The following TTC23L variants were observed in gnomAD, a reference collection of about 807,000 sequenced individuals.
The protein encoded by TTC23L is tetratricopeptide repeat domain 23 like.
Under a neutral mutation model 48.1 loss-of-function variants are expected in TTC23L, and 42 were observed. That is an observed-to-expected ratio of 0.87 (90% confidence interval 0.68 to 1.13). The LOEUF is 1.13. TTC23L is among the 50% of genes most tolerant of loss of function. The probability of loss-of-function intolerance (pLI) is 0.00; values close to 1 mark genes in which losing one functional copy is unlikely to be tolerated. For synonymous variants in TTC23L, 159 were observed against 157.2 expected, an observed-to-expected ratio of 1.01 and a Z score of -0.09; for missense variants, 391 against 421.0, an observed-to-expected ratio of 0.93 and a Z score of 0.62.
chr5:34,845,736 C>G (rs1183237417), intron 3 of TTC23L, 63 bp downstream of exon 3: 2 of 1,472,266 alleles, frequency 1.4e-6, no homozygotes, highest in South Asian at 2.7e-5. Context: ...TTTAGAGAAG[C>G]TTTGCCTTCG....
chr5:34,914,425 T>C, the TTC23L span: 3 of 439,734 alleles, frequency 6.8e-6, no homozygotes, highest in Non-Finnish European at 8.2e-6. Flanking sequence ...GCCTAGCCAA[T>C]AGCCTAGTTT....
At chr5:34,846,667 A>C (rs1001962076) in intron 3 of TTC23L, among the ~76,000 whole-genome samples, 2 of 66,344 alleles carry the variant, frequency 3.0e-5, no homozygotes, top group Non-Finnish European at 6.3e-5. Flanking sequence ...ATATGTGTGT[A>C]TGTGTGTGTG....
chr5:34,902,273 G>A (rs1972649), downstream of TTC23L: 10,277 of 181,668 alleles, frequency 0.057, 415 homozygotes, highest in South Asian at 0.11. Flanking sequence ...AAAATTAGCT[G>A]GGCATGGTGG....
intron 2 of TTC23L, among the ~76,000 whole-genome samples, chr5:34,844,425 A>G (rs1758941151): frequency 7.0e-6 from 1 of 142,498 alleles, no homozygotes; most frequent in Non-Finnish European, 1.5e-5. Context: ...GCACAGACCC[A>G]AAGAGTGAGC....
chr5:34,922,329 G>T, the TTC23L span: 1 of 1,254,512 alleles, frequency 8.0e-7, no homozygotes. Context: ...TCATTTAAGT[G>T]GATTTGTTCT....
Position 34,863,113 on chromosome 5 carries a change from T to G in TTC23L, c.536+59T>G. 6.2e-7 allele frequency: 1 copy of G among 1,603,708 alleles called. No individual in the cohort carries two copies. The highest frequency in any genetic ancestry group is 8.5e-7 in the Non-Finnish European group (1 of 1,173,896). On this transcript the variant is annotated intron_variant, in intron 5 of 10. Transcript: ENST00000505624. This position sits in a 1 kb window ranked among gnomAD's most constrained non-coding sequence, Gnocchi z 4.1. ...GGGGCCACAGGCCACACATGCCAGATGGGTCATCTCATACAGGAGGGTGGG... is the reference window on the plus strand; with the variant it reads ...GGGGCCACAGGCCACACATGCCAGAGGGGTCATCTCATACAGGAGGGTGGG...
chr5:34,917,279 A>G, the TTC23L span, among the ~76,000 whole-genome samples: 1 of 152,232 alleles, frequency 6.6e-6, no homozygotes, highest in Non-Finnish European at 1.5e-5. Flanking sequence ...TTCAGTGTCA[A>G]AGCTATGTCA....
chr5:34,885,572 C>T (rs1236635597), intron 9 of TTC23L, among the ~76,000 whole-genome samples: 1 of 151,858 alleles, frequency 6.6e-6, no homozygotes, highest in Non-Finnish European at 1.5e-5. Flanking sequence ...TAGTGGGACC[C>T]CATTTCTACA....
chr5:34,844,879 C>T (rs995482062), intron 2 of TTC23L, among the ~76,000 whole-genome samples: 13 of 152,136 alleles, frequency 8.5e-5, no homozygotes, highest in African/African-American at 7.2e-5. Context: ...TGGTGGGACC[C>T]GTGTCCTCTT....
chr5:34,879,824 C>T (rs1308035937), intron 8 of TTC23L, among the ~76,000 whole-genome samples: 1 of 152,018 alleles, frequency 6.6e-6, no homozygotes, highest in African/African-American at 2.4e-5. Flanking sequence ...GGTGAAACCC[C>T]ATCTCTACTA....
chr5:34,884,493 G>A (rs751456221), intron 9 of TTC23L, among the ~76,000 whole-genome samples: 1 of 151,608 alleles, frequency 6.6e-6, no homozygotes, highest in Non-Finnish European at 1.5e-5. Context: ...AGAATGACAT[G>A]ATGTTATGTA....
At chr5:34,881,223 G>A (rs920519465) in intron 9 of TTC23L, among the ~76,000 whole-genome samples, 2 of 151,994 alleles carry the variant, frequency 1.3e-5, no homozygotes, top group East Asian at 3.8e-4. Context: ...TTCCATCTTC[G>A]GATCTAGCTA....
the TTC23L span, among the ~76,000 whole-genome samples, chr5:34,913,107 T>A: frequency 6.6e-6 from 1 of 152,188 alleles, no homozygotes; most frequent in Admixed American, 6.5e-5. Flanking sequence ...CTGGCTTTTG[T>A]TTTTCTCTGC....
At chr5:34,844,906 G>A (rs905912262) in intron 2 of TTC23L, among the ~76,000 whole-genome samples, 4 of 152,132 alleles carry the variant, frequency 2.6e-5, no homozygotes, top group East Asian at 3.9e-4. Flanking sequence ...GCCACCACAT[G>A]TTGAAGCTTT....
intron 9 of TTC23L, among the ~76,000 whole-genome samples, chr5:34,891,363 A>G (rs1180592572): frequency 4.6e-5 from 7 of 152,242 alleles, no homozygotes; most frequent in Non-Finnish European, 8.8e-5. Flanking sequence ...GCTAACATCC[A>G]GATCATAGTA....
the TTC23L span, chr5:34,909,312 G>T: frequency 6.2e-7 from 1 of 1,610,436 alleles, no homozygotes; most frequent in East Asian, 2.2e-5. Context: ...AGAATCTTTG[G>T]GATAGTCAAG....
chr5:34,917,050 A>G, the TTC23L span, among the ~76,000 whole-genome samples: 1 of 152,218 alleles, frequency 6.6e-6, no homozygotes, highest in East Asian at 1.9e-4. Context: ...TAATAAGATA[A>G]AGAATCATGA....
chr5:34,854,976 G>A (rs1760003636), intron 4 of TTC23L, among the ~76,000 whole-genome samples: 2 of 152,172 alleles, frequency 1.3e-5, no homozygotes, highest in Non-Finnish European at 1.5e-5. Context: ...CAAGGGGGAG[G>A]TGGATTCAAG....
the TTC23L span, chr5:34,918,614 C>A: frequency 4.2e-6 from 2 of 478,664 alleles, no homozygotes; most frequent in Non-Finnish European, 7.4e-6. Flanking sequence ...TCAAGTGCCA[C>A]AATTTTTCCA....
Sources: allele counts gnomAD v4.1 joint callset (sites outside exome capture counted in the v4.1 genomes callset), GRCh38; gene constraint gnomAD v4.1.1; non-coding constraint Gnocchi (gnomAD v3.1); transcripts MANE v1.5; gene names NCBI Gene and HGNC (gene_info 2026-07-23, HGNC 2026-07-21).